CSTPP1: variants seen among roughly 807,000 people sequenced by gnomAD.
CSTPP1 encodes the protein centriolar satellite-associated tubulin polyglutamylase complex regulator 1, also known as UPF0705 protein C11orf49.
chr11:47,010,773 G>A, the CSTPP1 span, among the ~76,000 whole-genome samples: 11 of 152,098 alleles, frequency 7.2e-5, no homozygotes, highest in African/African-American at 2.7e-4. Flanking sequence ...GGAAAAAGAG[G>A]TATGATTGGA....
the CSTPP1 span, among the ~76,000 whole-genome samples, chr11:46,981,673 C>T: frequency 2.0e-5 from 3 of 151,968 alleles, no homozygotes; most frequent in Non-Finnish European, 2.9e-5. Flanking sequence ...TGGAAGAATA[C>T]GGGCTTTGGA....
the CSTPP1 span, among the ~76,000 whole-genome samples, chr11:46,973,455 T>G: frequency 3.3e-5 from 5 of 152,236 alleles, no homozygotes; most frequent in African/African-American, 1.2e-4. Context: ...AGTCTGAAAA[T>G]AGGCAGTCCA....
At chr11:46,985,258 A>G in the CSTPP1 span, among the ~76,000 whole-genome samples, 2 of 152,132 alleles carry the variant, frequency 1.3e-5, no homozygotes, top group African/African-American at 4.8e-5. Flanking sequence ...TTATGGTCAA[A>G]TGAAGACTTT....
chr11:47,113,692 G>C, the CSTPP1 span, among the ~76,000 whole-genome samples: 18 of 150,694 alleles, frequency 1.2e-4, no homozygotes, highest in African/African-American at 4.2e-4. Context: ...CTTTTTGATG[G>C]GGTTGTTTTT....
chr11:47,121,709 C>CG, the CSTPP1 span, among the ~76,000 whole-genome samples: 1 of 152,168 alleles, frequency 6.6e-6, no homozygotes, highest in South Asian at 2.1e-4. Context: ...CCTGCCCTTC[C>CG]GCTCTGCCAC....
the CSTPP1 span, among the ~76,000 whole-genome samples, chr11:47,042,448 C>A: frequency 6.8e-6 from 1 of 147,752 alleles, no homozygotes; most frequent in African/African-American, 2.5e-5. Flanking sequence ...TACATATGTA[C>A]TTATATGTCT....
the CSTPP1 span, among the ~76,000 whole-genome samples, chr11:46,998,112 C>CAAG: frequency 6.6e-6 from 1 of 152,184 alleles, no homozygotes; most frequent in Non-Finnish European, 1.5e-5. Context: ...GGAAATCACC[C>CAAG]GTCTTCTGCG....
the CSTPP1 span, among the ~76,000 whole-genome samples, chr11:46,961,941 TG>T: frequency 2.6e-5 from 4 of 152,184 alleles, no homozygotes; most frequent in African/African-American, 9.7e-5. Flanking sequence ...TCAGCATGGC[TG>T]GGGAGGCCTC....
the CSTPP1 span, among the ~76,000 whole-genome samples, chr11:47,126,837 TG>T: frequency 1.4e-5 from 2 of 145,060 alleles, no homozygotes; most frequent in South Asian, 2.2e-4. Context: ...GGAGCTGAGG[TG>T]GGGGGGATTG....
the CSTPP1 span, among the ~76,000 whole-genome samples, chr11:47,004,172 GT>G: frequency 6.9e-6 from 1 of 145,226 alleles, no homozygotes; most frequent in Non-Finnish European, 1.5e-5. Context: ...TTTTGTTTTT[GT>G]TTTTTTGTTT....
the CSTPP1 span, among the ~76,000 whole-genome samples, chr11:47,059,687 T>C: frequency 1.8e-4 from 27 of 152,176 alleles, no homozygotes; most frequent in Non-Finnish European, 3.2e-4. Context: ...CCACAGTCAA[T>C]AGGAGATAAT....
At chr11:46,948,131 G>T in the CSTPP1 span, 23 of 456,292 alleles carry the variant, frequency 5.0e-5, no homozygotes, top group South Asian at 2.9e-4. Flanking sequence ...TCGGCTCCAT[G>T]GTTCTCATGC....
chr11:47,039,214 T>C, the CSTPP1 span, among the ~76,000 whole-genome samples: 1 of 127,348 alleles, frequency 7.9e-6, no homozygotes, highest in African/African-American at 2.5e-5. Context: ...CTGGGCACCA[T>C]TGAGCACGGA....
At chr11:47,082,979 A>G in the CSTPP1 span, among the ~76,000 whole-genome samples, 1 of 152,082 alleles carries the variant, frequency 6.6e-6, no homozygotes, top group Non-Finnish European at 1.5e-5. Context: ...TCAACCCATC[A>G]CTTAGGTATT....
the CSTPP1 span, among the ~76,000 whole-genome samples, chr11:47,045,139 A>G: frequency 3.3e-5 from 5 of 152,318 alleles, no homozygotes; most frequent in African/African-American, 1.2e-4. Context: ...CGAGGTGACA[A>G]CTGGGTGGTA....
chr11:46,969,581 A>G, the CSTPP1 span, among the ~76,000 whole-genome samples: 1 of 152,214 alleles, frequency 6.6e-6, no homozygotes. Flanking sequence ...ACTATTCATA[A>G]TAGGTCCAGA....
the CSTPP1 span, among the ~76,000 whole-genome samples, chr11:46,954,946 G>A: frequency 1.3e-5 from 2 of 151,944 alleles, no homozygotes; most frequent in Non-Finnish European, 2.9e-5. Flanking sequence ...AAAATCAACC[G>A]TCAAATAAAC....
At chr11:46,987,525 A>T in the CSTPP1 span, 6 of 491,662 alleles carry the variant, frequency 1.2e-5, no homozygotes, top group African/African-American at 9.5e-5. Flanking sequence ...AGTTTTGATT[A>T]CAGTAGCTTA....
chr11:47,158,079 G>A, the CSTPP1 span: 24 of 652,344 alleles, frequency 3.7e-5, no homozygotes, highest in African/African-American at 3.6e-4. Context: ...GGAATATGGC[G>A]ACAAAACATG....
Sources: allele counts gnomAD v4.1 joint callset (sites outside exome capture counted in the v4.1 genomes callset), GRCh38; gene constraint gnomAD v4.1.1; transcripts MANE v1.5; gene names NCBI Gene and HGNC (gene_info 2026-07-23, HGNC 2026-07-21).